Variants in ITGA11 observed in about 807,000 individuals in gnomAD.
ITGA11 encodes integrin subunit alpha 11, also known as integrin alpha-11.
ITGA11 carries 97 observed loss-of-function variants against 141.9 expected under a neutral mutation model. The ratio of observed to expected loss-of-function variants is 0.68; its 90% CI spans 0.58 to 0.81. The LOEUF (loss-of-function observed/expected upper bound fraction) is 0.81. Ranked by LOEUF, ITGA11 falls within the 30% of genes least tolerant of loss-of-function variation. ITGA11 has a pLI of 0.00. For missense variants in ITGA11, 1,387 were observed against 1,559.2 expected (o/e 0.89, Z 1.86); for synonymous variants, 658 against 624.6 (o/e 1.05, Z -0.80).
chr15:68,312,725 G>T, intron 24 of ITGA11, 48 bp downstream of exon 24: 2 of 1,373,264 alleles, frequency 1.5e-6, no homozygotes, highest in Admixed American at 1.7e-5. Flanking sequence ...GGATGGGGGT[G>T]CTCAGATCCC....
intron 15 of ITGA11, among the ~76,000 whole-genome samples, chr15:68,329,238 C>G (rs1455954256): frequency 6.6e-6 from 1 of 152,174 alleles, no homozygotes; most frequent in Non-Finnish European, 1.5e-5. Flanking sequence ...TGTCCTTTGA[C>G]AGTGTAGAGT....
rs370528830 is a variant in ITGA11, at chr15:68,364,841, C to T, written c.266-43G>A. 32 of 1,564,666 alleles carry T rather than the reference C, an allele frequency of 2.0e-5. 2 individuals carry two copies. Among genetic ancestry groups the T allele is most frequent in the African/African-American group, 1.4e-4 (10 of 73,902 alleles). On this transcript the variant is annotated intron_variant, in intron 3 of 29. Transcript: ENST00000315757. ...GTTCAGCTTGCAGCCCCCTCCTGCC[C>T]GCCCTCTGCCCAGAGCCTGCTGCTG... is the stretch of plus-strand genomic sequence containing the variant.
intron 4 of ITGA11, among the ~76,000 whole-genome samples, chr15:68,363,227 A>G (rs1245899055): frequency 6.6e-6 from 1 of 152,222 alleles, no homozygotes; most frequent in Non-Finnish European, 1.5e-5. Context: ...ATCAATGAAC[A>G]GGTGACTATC....
intron 1 of ITGA11, among the ~76,000 whole-genome samples, chr15:68,419,168 A>G (rs1022717692): frequency 1.3e-5 from 2 of 152,090 alleles, no homozygotes; most frequent in African/African-American, 2.4e-5. Context: ...CTTGGTGGGG[A>G]TGGCGGACTT....
chr15:68,393,147 G>A (rs1358638213), intron 2 of ITGA11, among the ~76,000 whole-genome samples: 1 of 152,162 alleles, frequency 6.6e-6, no homozygotes, highest in Non-Finnish European at 1.5e-5. Context: ...AGCTGGATTA[G>A]TGACCCTGAA....
At chr15:68,364,885 C>T (rs1895368055) in intron 3 of ITGA11, 87 bp from the exon 4 acceptor site, 6 of 1,287,774 alleles carry the variant, frequency 4.7e-6, no homozygotes, top group South Asian at 3.7e-5. Flanking sequence ...ACCCGAGGTG[C>T]CTCCCCGATT....
intron 22 of ITGA11, 115 bp downstream of exon 22, chr15:68,315,536 G>T (rs1893543627): frequency 2.2e-6 from 2 of 914,148 alleles, no homozygotes; most frequent in Non-Finnish European, 3.5e-6. Context: ...TTGGGGCAGT[G>T]GGGGACAGGG....
chr15:68,363,140 G>A (rs1435758857), intron 4 of ITGA11, among the ~76,000 whole-genome samples: 2 of 152,154 alleles, frequency 1.3e-5, no homozygotes, highest in East Asian at 1.9e-4. Flanking sequence ...ATAGACAGAT[G>A]GGTAGATGAA....
At chr15:68,424,934 A>G (rs1300256968) in intron 1 of ITGA11, among the ~76,000 whole-genome samples, 1 of 152,218 alleles carries the variant, frequency 6.6e-6, no homozygotes, top group Non-Finnish European at 1.5e-5. Flanking sequence ...TGCCTTTAGA[A>G]CTGCTCCACA....
chr15:68,405,296 C>T (rs571920719), intron 1 of ITGA11, among the ~76,000 whole-genome samples: 18 of 149,920 alleles, frequency 1.2e-4, no homozygotes, highest in African/African-American at 4.4e-4. Context: ...TCTTATTGAA[C>T]ATGCCAATGG....
At chr15:68,431,610 C>T (rs545208426) in intron 1 of ITGA11, among the ~76,000 whole-genome samples, 236 of 152,344 alleles carry the variant, frequency 1.5e-3, no homozygotes, top group African/African-American at 5.5e-3. Context: ...GGCACACTCT[C>T]TTGGCGCTGA....
rs372901821 is a variant in ITGA11 at position 68,341,053 on chromosome 15, C to T, written c.1132-1409G>A. 7.9e-5 allele frequency among the ~76,000 whole-genome samples: 12 copies of T among 152,290 alleles called. No homozygotes were observed. The East Asian group carries it at 1.4e-3, about 17-fold the overall frequency. On this transcript the variant is annotated intron_variant, in intron 10 of 29. Coordinates refer to ENST00000315757, the MANE Select transcript of ITGA11 (RefSeq NM_001004439.2). ...GCCTGGGTGAGCTTGAGATTCCCAC[C>T]GCTTTACAGAGTCAAGCTGATCTTA... is the stretch of plus-strand genomic sequence containing the variant.
chr15:68,339,485 A>G lies in ITGA11; in HGVS notation c.1276+15T>C. Reference sequence around the variant, plus strand: ...GCCCACGACCCGCCAGCCTCCCCTCACTCTGCGCTCTTACCCAGGTATGCA... The same window carrying G: ...GCCCACGACCCGCCAGCCTCCCCTCGCTCTGCGCTCTTACCCAGGTATGCA... On this transcript the variant is annotated intron_variant, in intron 11 of 29. Coordinates refer to ENST00000315757, the MANE Select transcript of ITGA11 (RefSeq NM_001004439.2). The G allele has an allele frequency of 6.2e-7, 1 of 1,607,166 alleles. No homozygotes were observed. Among genetic ancestry groups the G allele is most frequent in the Non-Finnish European group, 8.5e-7 (1 of 1,177,018 alleles).
At chr15:68,423,657 C>T (rs958950572) in intron 1 of ITGA11, among the ~76,000 whole-genome samples, 1 of 152,144 alleles carries the variant, frequency 6.6e-6, no homozygotes, top group African/African-American at 2.4e-5. Flanking sequence ...AGTAAGACAA[C>T]TCTGTTTGTT....
intron 24 of ITGA11, among the ~76,000 whole-genome samples, chr15:68,312,570 C>T (rs1364015375): frequency 1.3e-5 from 2 of 152,160 alleles, no homozygotes; most frequent in African/African-American, 2.4e-5. Flanking sequence ...CCCATACATC[C>T]CCCACTGCAG....
At chr15:68,336,007 A>G in intron 11 of ITGA11, 162 bp from the exon 12 acceptor site, 1 of 837,062 alleles carries the variant, frequency 1.2e-6, no homozygotes. Flanking sequence ...TCCTAGGGGC[A>G]GCTGGGGAGG....
At chr15:68,410,544 C>A (rs1896749928) in intron 1 of ITGA11, among the ~76,000 whole-genome samples, 1 of 152,204 alleles carries the variant, frequency 6.6e-6, no homozygotes, top group Admixed American at 6.5e-5. Context: ...AAAAAAACAA[C>A]CCATTCAAAA....
intron 9 of ITGA11, 22 bp downstream of exon 9, chr15:68,350,595 C>T: frequency 6.2e-7 from 1 of 1,605,458 alleles, no homozygotes; most frequent in South Asian, 1.1e-5. Context: ...GAGTGGATCC[C>T]CTCTTAGCAT....
intron 2 of ITGA11, among the ~76,000 whole-genome samples, chr15:68,388,081 C>T (rs1896029788): frequency 6.6e-6 from 1 of 152,204 alleles, no homozygotes; most frequent in Non-Finnish European, 1.5e-5. Context: ...CTCAGCTCAC[C>T]TGAACTTCCA....
Sources: allele counts gnomAD v4.1 joint callset (sites outside exome capture counted in the v4.1 genomes callset), GRCh38; gene constraint gnomAD v4.1.1; transcripts MANE v1.5; gene names NCBI Gene and HGNC (gene_info 2026-07-23, HGNC 2026-07-21).